The following STK32A variants were observed in gnomAD, a reference collection of about 807,000 sequenced individuals.
The protein encoded by STK32A is serine/threonine kinase 32A.
STK32A carries 41 observed loss-of-function variants against 53.2 expected under a neutral mutation model. That is an observed-to-expected ratio of 0.77 (90% CI 0.60 to 1.00). The LOEUF (loss-of-function observed/expected upper bound fraction) is 1.00. STK32A is among the 50% of genes least tolerant of loss of function. The pLI, the probability that STK32A is intolerant of heterozygous loss-of-function variation, is 0.00. For synonymous variants in STK32A, 166 were observed against 162.8 expected, an observed-to-expected ratio of 1.02 and a Z score of -0.15; for missense variants, 458 against 485.8, an observed-to-expected ratio of 0.94 and a Z score of 0.54.
At chr5:147,296,886 T>G (rs1332473360) in intron 4 of STK32A, among the ~76,000 whole-genome samples, 1 of 152,182 alleles carries the variant, frequency 6.6e-6, no homozygotes, top group Non-Finnish European at 1.5e-5. Flanking sequence ...GTTTGTTTCT[T>G]GGTGAGATGA....
At chr5:147,337,412 G>A (rs1414354802) in intron 5 of STK32A, among the ~76,000 whole-genome samples, 2 of 152,100 alleles carry the variant, frequency 1.3e-5, no homozygotes, top group Non-Finnish European at 2.9e-5. Context: ...TTCTTAGTTG[G>A]CCAATGGTAA....
chr5:147,253,439 T>C (rs902953587), intron 2 of STK32A, among the ~76,000 whole-genome samples: 1 of 152,216 alleles, frequency 6.6e-6, no homozygotes, highest in African/African-American at 2.4e-5. Context: ...ACAAATATAG[T>C]CAGTTGAATT....
At chr5:147,347,794 C>G (rs994303296) in intron 6 of STK32A, among the ~76,000 whole-genome samples, 1 of 152,126 alleles carries the variant, frequency 6.6e-6, no homozygotes, top group African/African-American at 2.4e-5. Context: ...AGAAGGGAAC[C>G]TGGCAGATAG....
the STK32A span, chr5:147,394,012 C>T: frequency 6.2e-7 from 1 of 1,612,268 alleles, no homozygotes; most frequent in Non-Finnish European, 8.5e-7. Context: ...TTGCTTCTGC[C>T]CCTCTCTTTG....
chr5:147,269,642 C>G (rs535991342), intron 2 of STK32A, among the ~76,000 whole-genome samples: 2 of 152,126 alleles, frequency 1.3e-5, no homozygotes, highest in Non-Finnish European at 2.9e-5. Flanking sequence ...TTTCCCTCCT[C>G]TCTGGGGAAT....
intron 11 of STK32A, 121 bp downstream of exon 11, chr5:147,375,339 G>T: frequency 7.7e-7 from 1 of 1,298,040 alleles, no homozygotes; most frequent in Non-Finnish European, 1.0e-6. Flanking sequence ...TGAAATAGGA[G>T]AAGTAGATCA....
chr5:147,337,406 T>C (rs1356708971), intron 5 of STK32A, among the ~76,000 whole-genome samples: 1 of 152,218 alleles, frequency 6.6e-6, no homozygotes, highest in African/African-American at 2.4e-5. Context: ...TCAAGTTTCT[T>C]AGTTGGCCAA....
the STK32A span, chr5:147,400,828 T>C: frequency 6.2e-7 from 1 of 1,613,412 alleles, no homozygotes; most frequent in Non-Finnish European, 8.5e-7. Flanking sequence ...TAGCTGCAGA[T>C]CCCCGCTGGC....
intron 7 of STK32A, among the ~76,000 whole-genome samples, chr5:147,360,935 G>A (rs897747405): frequency 6.6e-6 from 1 of 152,162 alleles, no homozygotes; most frequent in Non-Finnish European, 1.5e-5. Flanking sequence ...TCAATTGAAA[G>A]AACTACAGTT....
At chr5:147,280,047 C>T (rs566732731) in intron 4 of STK32A, among the ~76,000 whole-genome samples, 1 of 152,240 alleles carries the variant, frequency 6.6e-6, no homozygotes, top group African/African-American at 2.4e-5. Flanking sequence ...TTACCTGGAG[C>T]TGAGTGGACT....
intron 7 of STK32A, among the ~76,000 whole-genome samples, chr5:147,354,656 A>C (rs1404204764): frequency 6.6e-6 from 1 of 152,234 alleles, no homozygotes; most frequent in Admixed American, 6.5e-5. Context: ...GGGGTGGACT[A>C]TACTTATCAC....
intron 3 of STK32A, among the ~76,000 whole-genome samples, 169 bp from the exon 4 acceptor site, chr5:147,279,078 A>C (rs1295793281): frequency 2.6e-5 from 4 of 152,238 alleles, no homozygotes; most frequent in African/African-American, 9.6e-5. Context: ...CATAGAAAAG[A>C]AAATGAAATT....
intron 4 of STK32A, among the ~76,000 whole-genome samples, chr5:147,312,462 C>A (rs1472937281): frequency 6.6e-6 from 1 of 152,088 alleles, no homozygotes; most frequent in Non-Finnish European, 1.5e-5. Flanking sequence ...GTTTACTGCC[C>A]AAAAGAGCTA....
At chr5:147,357,328 T>C (rs1269711076) in intron 7 of STK32A, among the ~76,000 whole-genome samples, 1 of 152,046 alleles carries the variant, frequency 6.6e-6, no homozygotes, top group Non-Finnish European at 1.5e-5. Flanking sequence ...CCAAAAAAGG[T>C]AGGTAAAAAT....
chr5:147,331,860 A>G (rs952241992), intron 5 of STK32A, among the ~76,000 whole-genome samples: 5 of 152,206 alleles, frequency 3.3e-5, no homozygotes, highest in Admixed American at 3.3e-4. Flanking sequence ...AGAGATTGCC[A>G]GCAAACCCAC....
At chr5:147,284,401 C>T (rs957107637) in intron 4 of STK32A, among the ~76,000 whole-genome samples, 1 of 152,032 alleles carries the variant, frequency 6.6e-6, no homozygotes, top group Non-Finnish European at 1.5e-5. Flanking sequence ...ACTGGAAGTC[C>T]TAGCCAGAGC....
chr5:147,278,518 T>C lies in STK32A; in HGVS notation c.108+339T>C, dbSNP rs532697948. Among the ~76,000 whole-genome samples the C allele has an allele frequency of 1.4e-4, 22 of 152,320 alleles. No homozygotes were observed. The South Asian group carries it at 4.4e-3, about 30-fold the overall frequency. On this transcript the variant is annotated intron_variant, in intron 3 of 12. Coordinates refer to ENST00000397936, the MANE Select transcript of STK32A (RefSeq NM_001112724.2). ...CCAGCTGTATGCCCAGTAATAGTTATCTTGTTTATGGAAGAGTTACTTATT... is the reference window on the plus strand; with the variant it reads ...CCAGCTGTATGCCCAGTAATAGTTACCTTGTTTATGGAAGAGTTACTTATT...
intron 5 of STK32A, among the ~76,000 whole-genome samples, chr5:147,329,957 A>G (rs1421271153): frequency 6.6e-6 from 1 of 152,132 alleles, no homozygotes; most frequent in Non-Finnish European, 1.5e-5. Flanking sequence ...CAAATTCTCA[A>G]ATTTATTCCA....
At chr5:147,398,984 TCTAA>T in the STK32A span, 14 of 1,490,002 alleles carry the variant, frequency 9.4e-6, no homozygotes, top group Non-Finnish European at 1.3e-5. Flanking sequence ...CCCGTCCTAG[TCTAA>T]CTACCCTGGC....
Sources: allele counts gnomAD v4.1 joint callset (sites outside exome capture counted in the v4.1 genomes callset), GRCh38; gene constraint gnomAD v4.1.1; transcripts MANE v1.5; gene names NCBI Gene and HGNC (gene_info 2026-07-23, HGNC 2026-07-21).